SDK1: variants seen among roughly 807,000 people sequenced by gnomAD.
The protein encoded by SDK1 is sidekick cell adhesion molecule 1, also known as protein sidekick-1.
SDK1 carries 157 observed loss-of-function variants against 245.5 expected under a neutral mutation model. The observed-to-expected ratio is 0.64, with a 90% confidence interval of 0.56 to 0.73. The LOEUF is 0.73. Ranked by LOEUF, SDK1 falls within the 30% of genes least tolerant of loss-of-function variation. The pLI, the probability that SDK1 is intolerant of heterozygous loss-of-function variation, is 0.00. For synonymous variants in SDK1, 1,647 were observed against 1,278.5 expected (o/e 1.29, Z -6.15); for missense variants, 3,583 against 3,002.3 (o/e 1.19, Z -4.52).
intron 1 of SDK1, among the ~76,000 whole-genome samples, chr7:3,563,067 G>T (rs1046234086): frequency 6.6e-6 from 1 of 152,198 alleles, no homozygotes; most frequent in Admixed American, 6.5e-5. Flanking sequence ...AGAAACCAAA[G>T]ACGGTAGGGA....
rs183683355 is a variant in SDK1 at position 3,694,793 on chromosome 7, G to C, written c.713+52688G>C. On this transcript the variant is annotated intron_variant, in intron 4 of 44. Coordinates refer to ENST00000404826, the MANE Select transcript of SDK1 (RefSeq NM_152744.4). Reference sequence around the variant, plus strand: ...ACATCCCTGGTAATTCCTATCGTAAGTTTGTGAACCATTGCACTAGAACAG... The same window carrying C: ...ACATCCCTGGTAATTCCTATCGTAACTTTGTGAACCATTGCACTAGAACAG... Among the ~76,000 whole-genome samples, 127 of 152,264 alleles carry C rather than the reference G, an allele frequency of 8.3e-4. 1 individual carries two copies. The highest frequency in any genetic ancestry group is 3.0e-3 in the African/African-American group (125 of 41,560).
chr7:3,928,907 C>T (rs1779873860), intron 5 of SDK1, among the ~76,000 whole-genome samples: 2 of 152,342 alleles, frequency 1.3e-5, no homozygotes, highest in Admixed American at 6.5e-5. Context: ...GGAAACCCCA[C>T]GCGTGCATTC....
chr7:3,571,998 A>G (rs1039089937), intron 1 of SDK1, among the ~76,000 whole-genome samples: 1 of 152,032 alleles, frequency 6.6e-6, no homozygotes, highest in African/African-American at 2.4e-5. Flanking sequence ...TTTAAAATCC[A>G]CTTATTGAAC....
rs145231049 is a variant in SDK1, at chr7:3,534,504, A to G, written c.299-84576A>G. On this transcript the variant is annotated intron_variant, in intron 1 of 44. Coordinates refer to ENST00000404826, the MANE Select transcript of SDK1 (RefSeq NM_152744.4). ...TGTACAGTTTTGCATTCCTAGAAAC[A>G]ATATATAGCATTCAAATTTCTCCAC... 5.2e-3 allele frequency among the ~76,000 whole-genome samples: 793 copies of G among 152,290 alleles called. 4 individuals are homozygous for G. Among genetic ancestry groups the G allele is most frequent in the Non-Finnish European group, 6.9e-3 (468 of 68,028 alleles).
chr7:3,628,155 C>A (rs965163918), intron 2 of SDK1, among the ~76,000 whole-genome samples: 3 of 152,056 alleles, frequency 2.0e-5, no homozygotes, highest in African/African-American at 7.2e-5. Flanking sequence ...AATCCCAGGC[C>A]TGAGTGTTTA....
At chr7:4,089,517 T>A (rs1038816094) in intron 22 of SDK1, among the ~76,000 whole-genome samples, 1 of 152,198 alleles carries the variant, frequency 6.6e-6, no homozygotes, top group Non-Finnish European at 1.5e-5. Flanking sequence ...CAGGGAAGAA[T>A]GAACGGGGCA....
At chr7:3,499,809 C>T (rs1024012426) in intron 1 of SDK1, among the ~76,000 whole-genome samples, 3 of 152,162 alleles carry the variant, frequency 2.0e-5, no homozygotes, top group African/African-American at 7.2e-5. Flanking sequence ...TCCTGGGAAA[C>T]ACAGGGCTTA....
At chr7:3,443,658 T>C (rs1780260913) in intron 1 of SDK1, among the ~76,000 whole-genome samples, 1 of 152,244 alleles carries the variant, frequency 6.6e-6, no homozygotes, top group African/African-American at 2.4e-5. Flanking sequence ...TGGTTTGATT[T>C]GTGCTTACTT....
chr7:3,730,301 C>T (rs943011040), intron 4 of SDK1, among the ~76,000 whole-genome samples: 2 of 152,094 alleles, frequency 1.3e-5, no homozygotes, highest in Admixed American at 1.3e-4. Context: ...GTTTTCATGC[C>T]TGTTGTTAAA....
chr7:3,601,122 G>A (rs750919345), intron 1 of SDK1, among the ~76,000 whole-genome samples: 6 of 151,994 alleles, frequency 3.9e-5, no homozygotes, highest in Non-Finnish European at 5.9e-5. Context: ...GATTTCATTT[G>A]CTAATATTTT....
At chr7:3,737,577 G>A (rs1271251367) in intron 4 of SDK1, among the ~76,000 whole-genome samples, 1 of 152,364 alleles carries the variant, frequency 6.6e-6, no homozygotes. Flanking sequence ...GTTCAGCTCT[G>A]TGGGTGCAGT....
At chr7:3,438,863 T>C (rs1780107681) in intron 1 of SDK1, among the ~76,000 whole-genome samples, 1 of 150,040 alleles carries the variant, frequency 6.7e-6, no homozygotes, top group African/African-American at 2.5e-5. Context: ...TTTTTTTTTT[T>C]TTTTTTGAGA....
chr7:3,536,220 C>G (rs1488449539), intron 1 of SDK1, among the ~76,000 whole-genome samples: 2 of 139,628 alleles, frequency 1.4e-5, no homozygotes, highest in African/African-American at 5.2e-5. Context: ...CCACACCCAG[C>G]TAATTTTTTT....
At chr7:3,533,933 C>G (rs771712999) in intron 1 of SDK1, among the ~76,000 whole-genome samples, 1 of 152,156 alleles carries the variant, frequency 6.6e-6, no homozygotes, top group African/African-American at 2.4e-5. Context: ...GAGATCTACC[C>G]TCTTAGCAGA....
At chr7:3,595,296 G>A (rs912822450) in intron 1 of SDK1, among the ~76,000 whole-genome samples, 3 of 151,692 alleles carry the variant, frequency 2.0e-5, no homozygotes, top group Non-Finnish European at 4.4e-5. Context: ...TATTTTGCTT[G>A]TAAAAAATTA....
chr7:3,651,774 A>T (rs920271944), intron 4 of SDK1, among the ~76,000 whole-genome samples: 1 of 152,190 alleles, frequency 6.6e-6, no homozygotes, highest in Non-Finnish European at 1.5e-5. Context: ...TAAGACAACC[A>T]TACATGTAAT....
At chr7:3,471,310 G>C (rs1454917974) in intron 1 of SDK1, among the ~76,000 whole-genome samples, 2 of 152,168 alleles carry the variant, frequency 1.3e-5, no homozygotes, top group East Asian at 3.8e-4. Flanking sequence ...GAGGAGATAA[G>C]TATGTAATTT....
At chr7:3,368,528 C>T (rs1023040980) in intron 1 of SDK1, among the ~76,000 whole-genome samples, 4 of 152,092 alleles carry the variant, frequency 2.6e-5, no homozygotes, top group African/African-American at 9.7e-5. Flanking sequence ...TAATTAAAAT[C>T]GGCACGGAAG....
intron 1 of SDK1, among the ~76,000 whole-genome samples, chr7:3,467,212 A>G (rs1215026205): frequency 6.6e-6 from 1 of 152,166 alleles, no homozygotes; most frequent in Admixed American, 6.5e-5. Flanking sequence ...CTACTTTACA[A>G]TATTAAAGCA....
Sources: allele counts gnomAD v4.1 joint callset (sites outside exome capture counted in the v4.1 genomes callset), GRCh38; gene constraint gnomAD v4.1.1; transcripts MANE v1.5; gene names NCBI Gene and HGNC (gene_info 2026-07-23, HGNC 2026-07-21).